Variants in SPATA6 observed in about 807,000 individuals in gnomAD.
SPATA6 encodes spermatogenesis associated 6.
Under a neutral mutation model 65.3 loss-of-function variants are expected in SPATA6, and 56 were observed. The observed-to-expected ratio is 0.86, with a 90% CI of 0.69 to 1.07. SPATA6 has a LOEUF of 1.07. Ranked by LOEUF, SPATA6 falls within the 50% of genes least tolerant of loss-of-function variation. SPATA6 has a pLI of 0.00. For missense variants in SPATA6, 590 were observed against 594.8 expected, an observed-to-expected ratio of 0.99 and a Z score of 0.08; for synonymous variants, 199 against 213.2, an observed-to-expected ratio of 0.93 and a Z score of 0.58.
Position 48,413,094 on chromosome 1 carries a change from C to T in SPATA6, c.280+16G>A, listed in dbSNP as rs764431377. On this transcript the variant is annotated intron_variant, in intron 4 of 12. Coordinates refer to ENST00000371847, the MANE Select transcript of SPATA6 (RefSeq NM_019073.4). ...ATGATATCTTATATTGTATATATTA[C>T]ATCAATATATATTACCTGGTGGAAC... The T allele has an allele frequency of 2.9e-6, 3 of 1,048,106 alleles. No homozygotes were observed. The highest frequency in any genetic ancestry group is 3.8e-6 in the Non-Finnish European group (3 of 782,690). The allele number at this position is 1,048,106 out of a possible 1,614,324, so 64.9% of individuals were successfully genotyped here. A position where few individuals can be genotyped will look rare whatever the true frequency, so the allele number is the denominator to read the frequency against.
At chr1:48,417,772 C>T (rs1652907995) in intron 3 of SPATA6, among the ~76,000 whole-genome samples, 1 of 151,732 alleles carries the variant, frequency 6.6e-6, no homozygotes. Flanking sequence ...TGCAGTGACC[C>T]GAGATCTCAC....
At chr1:48,400,939 G>C in intron 6 of SPATA6, 1 of 587,992 alleles carries the variant, frequency 1.7e-6, no homozygotes, top group South Asian at 2.9e-5. Context: ...AAGAATGTCA[G>C]CACTAGAAAT....
chr1:48,451,847 T>C (rs995681056), intron 2 of SPATA6, among the ~76,000 whole-genome samples: 4 of 152,202 alleles, frequency 2.6e-5, no homozygotes, highest in South Asian at 2.1e-4. Context: ...CCAGGCCTTC[T>C]TGGTGTTCCT....
At chr1:48,428,847 AT>A (rs1418500703) in intron 3 of SPATA6, among the ~76,000 whole-genome samples, 1 of 133,284 alleles carries the variant, frequency 7.5e-6, no homozygotes, top group East Asian at 2.1e-4. Context: ...ATGTGTATAT[AT>A]ATGTGTGTAT....
At chr1:48,362,765 A>C (rs889935421) in intron 9 of SPATA6, among the ~76,000 whole-genome samples, 1 of 152,184 alleles carries the variant, frequency 6.6e-6, no homozygotes, top group Admixed American at 6.6e-5. Context: ...GGAGGAGAAA[A>C]GCCATTCAGA....
At chr1:48,280,373 A>C in the SPATA6 span, among the ~76,000 whole-genome samples, 1 of 152,342 alleles carries the variant, frequency 6.6e-6, no homozygotes, top group African/African-American at 2.4e-5. Context: ...AAAACCCTTC[A>C]AAAAATTAGT....
At chr1:48,368,959 C>T (rs1191702586) in intron 9 of SPATA6, among the ~76,000 whole-genome samples, 1 of 152,122 alleles carries the variant, frequency 6.6e-6, no homozygotes, top group African/African-American at 2.4e-5. Flanking sequence ...TGGTGATGTA[C>T]AGATGGGTTT....
At position 48,472,021 on chromosome 1, in the gene SPATA6, G is replaced by C. The variant is rs747175792; in HGVS notation, c.-13C>G. On this transcript the variant is annotated 5_prime_UTR_variant, in exon 1 of 13. Coordinates refer to ENST00000371847, the MANE Select transcript of SPATA6 (RefSeq NM_019073.4). ...TCACCTTCGGCATCCGTGCGGGGAG[G>C]GGCGGCGGGGAGTGACCCCGGCCAC... 1.3e-6 allele frequency: 2 copies of C among 1,532,240 alleles called. No homozygotes were observed. Among genetic ancestry groups the C allele is most frequent in the African/African-American group, 2.8e-5 (2 of 71,360 alleles). The allele number at this position is 1,532,240 out of a possible 1,614,324, so 94.9% of individuals were successfully genotyped here.
chr1:48,261,907 T>C, the SPATA6 span, among the ~76,000 whole-genome samples: 3 of 152,094 alleles, frequency 2.0e-5, no homozygotes, highest in African/African-American at 7.2e-5. Flanking sequence ...CCACATCCTT[T>C]AGAATCATGA....
intron 7 of SPATA6, 134 bp downstream of exon 7, chr1:48,399,217 G>T: frequency 9.5e-7 from 1 of 1,053,112 alleles, no homozygotes; most frequent in South Asian, 1.8e-5. Flanking sequence ...TCCCATCTTA[G>T]ACTGCTAGGG....
intron 11 of SPATA6, among the ~76,000 whole-genome samples, chr1:48,340,746 T>A (rs968409051): frequency 6.6e-6 from 1 of 151,956 alleles, no homozygotes; most frequent in African/African-American, 2.4e-5. Context: ...AGTTAAATAA[T>A]ATAAAACCTT....
At chr1:48,372,973 C>G (rs1320203203) in intron 9 of SPATA6, among the ~76,000 whole-genome samples, 1 of 152,210 alleles carries the variant, frequency 6.6e-6, no homozygotes, top group Non-Finnish European at 1.5e-5. Flanking sequence ...CCCACTGGAC[C>G]TCTCGGCCTG....
At chr1:48,359,553 A>T (rs1244892328) in intron 10 of SPATA6, 33 bp downstream of exon 10, 2 of 1,587,672 alleles carry the variant, frequency 1.3e-6, no homozygotes, top group East Asian at 4.5e-5. Context: ...TTATTCAAAG[A>T]TCAGTACAGA....
At chr1:48,277,225 C>T in the SPATA6 span, among the ~76,000 whole-genome samples, 8 of 152,002 alleles carry the variant, frequency 5.3e-5, no homozygotes, top group Admixed American at 1.3e-4. Flanking sequence ...GGAACCGCTC[C>T]GGTCTACAGT....
intron 3 of SPATA6, among the ~76,000 whole-genome samples, chr1:48,424,994 A>C (rs4926727): frequency 0.25 from 37,301 of 151,880 alleles, 4,794 homozygotes; most frequent in Admixed American, 0.3. Flanking sequence ...TTTTAACTTG[A>C]TGTGATCCCA....
rs116678045 is a variant in SPATA6, at chr1:48,434,771, C to G, written c.238+16781G>C. On this transcript the variant is annotated intron_variant, in intron 3 of 12. Transcript: ENST00000371847. ...AAAGAAGATGAAAATCCAGTTTCAACAGAAACTCTATGAAATAGAAAACTT... is the reference window on the plus strand; with the variant it reads ...AAAGAAGATGAAAATCCAGTTTCAAGAGAAACTCTATGAAATAGAAAACTT... Among the ~76,000 whole-genome samples, 692 of 152,174 alleles carry G rather than the reference C, an allele frequency of 4.5e-3. 4 individuals carry two copies. Among genetic ancestry groups the G allele is most frequent in the African/African-American group, 0.015 (618 of 41,530 alleles).
chr1:48,441,040 C>T (rs1244361544), intron 3 of SPATA6, among the ~76,000 whole-genome samples: 1 of 152,142 alleles, frequency 6.6e-6, no homozygotes, highest in Non-Finnish European at 1.5e-5. Flanking sequence ...TGCAAGGACA[C>T]CGTAAAAAAG....
At chr1:48,469,027 G>A (rs1474176076) in intron 1 of SPATA6, among the ~76,000 whole-genome samples, 2 of 152,078 alleles carry the variant, frequency 1.3e-5, no homozygotes, top group Non-Finnish European at 2.9e-5. Context: ...CTACTCACAG[G>A]TGTGCTCACA....
downstream of SPATA6, among the ~76,000 whole-genome samples, chr1:48,295,203 T>C (rs1227290733): frequency 6.6e-6 from 1 of 152,150 alleles, no homozygotes; most frequent in Non-Finnish European, 1.5e-5. Flanking sequence ...ATGTTGAACA[T>C]AGTTTCCATA....
Sources: allele counts gnomAD v4.1 joint callset (sites outside exome capture counted in the v4.1 genomes callset), GRCh38; gene constraint gnomAD v4.1.1; transcripts MANE v1.5; gene names NCBI Gene and HGNC (gene_info 2026-07-23, HGNC 2026-07-21).